Variants in GRID1 observed in about 807,000 individuals in gnomAD.
GRID1 encodes the protein glutamate receptor ionotropic, delta-1.
In GRID1, 28 loss-of-function variants were observed where a neutral mutation model predicts 98.0. The observed-to-expected ratio is 0.29, with a 90% CI of 0.21 to 0.39. GRID1 has a LOEUF of 0.39. Ranked by LOEUF, GRID1 falls within the 10% of genes least tolerant of loss-of-function variation. GRID1 has a pLI of 1.00. For missense variants in GRID1, 1,111 were observed against 1,340.5 expected, an observed-to-expected ratio of 0.83 and a Z score of 2.67; for synonymous variants, 553 against 538.5, an observed-to-expected ratio of 1.03 and a Z score of -0.37.
At position 86,081,826 on chromosome 10, in the gene GRID1, G is replaced by C. The variant is rs372843465; in HGVS notation, c.726+56993C>G. Among the ~76,000 whole-genome samples the C allele has an allele frequency of 3.0e-3, 459 of 152,320 alleles. 5 individuals carry two copies. The highest frequency in any genetic ancestry group is 0.011 in the African/African-American group (449 of 41,576). ...ATTCTAGAAAAGGCAAAACTATAGA[G>C]AGAGTAAAAGAATCAGTGGTTGCCT... is the stretch of plus-strand genomic sequence containing the variant. On this transcript the variant is annotated intron_variant, in intron 4 of 15. Coordinates refer to ENST00000327946, the MANE Select transcript of GRID1 (RefSeq NM_017551.3).
At chr10:85,690,685 T>A (rs1248896344) in intron 12 of GRID1, among the ~76,000 whole-genome samples, 1 of 152,196 alleles carries the variant, frequency 6.6e-6, no homozygotes, top group Non-Finnish European at 1.5e-5. Flanking sequence ...ACTTTTTCCT[T>A]TCTAAGTGTT....
At chr10:86,107,142 C>T (rs1364026712) in intron 4 of GRID1, among the ~76,000 whole-genome samples, 1 of 152,176 alleles carries the variant, frequency 6.6e-6, no homozygotes, top group Non-Finnish European at 1.5e-5. Context: ...AGATATTAGG[C>T]CTGGTGACAG....
chr10:86,203,472 G>T (rs1845981750), intron 3 of GRID1, among the ~76,000 whole-genome samples: 1 of 149,644 alleles, frequency 6.7e-6, no homozygotes, highest in Non-Finnish European at 1.5e-5. Context: ...AAGCATGTTG[G>T]AAATGGGCAG....
At chr10:85,867,298 A>G (rs1843230514) in intron 6 of GRID1, among the ~76,000 whole-genome samples, 1 of 152,208 alleles carries the variant, frequency 6.6e-6, no homozygotes, top group Admixed American at 6.5e-5. Flanking sequence ...GACTGAGTGC[A>G]GTTTAACTAA....
At chr10:85,782,603 A>C (rs141863272) in intron 8 of GRID1, among the ~76,000 whole-genome samples, 44 of 152,374 alleles carry the variant, frequency 2.9e-4, no homozygotes, top group Non-Finnish European at 5.6e-4. Context: ...GAGTTATTTG[A>C]GTAAAAACCT....
chr10:85,817,576 G>A (rs11201804), intron 8 of GRID1, among the ~76,000 whole-genome samples: 10,451 of 151,374 alleles, frequency 0.069, 401 homozygotes, highest in Non-Finnish European at 0.082. Flanking sequence ...AAAGATTCCA[G>A]GATGGAAAGT....
At chr10:86,249,247 G>A (rs1455102814) in intron 2 of GRID1, among the ~76,000 whole-genome samples, 3 of 152,184 alleles carry the variant, frequency 2.0e-5, no homozygotes, top group African/African-American at 7.2e-5. Flanking sequence ...TTGGCAGCAG[G>A]ACCTATGTCC....
intron 12 of GRID1, among the ~76,000 whole-genome samples, chr10:85,700,685 G>A (rs1171670762): frequency 1.3e-5 from 2 of 152,174 alleles, no homozygotes; most frequent in Non-Finnish European, 2.9e-5. Context: ...GCTTGAGACT[G>A]CTTAGTGAAC....
chr10:85,708,981 C>A, intron 12 of GRID1: 1 of 237,736 alleles, frequency 4.2e-6, no homozygotes, highest in Non-Finnish European at 8.8e-6. Flanking sequence ...ATGAAAGCAA[C>A]TTGAGAGATT....
At chr10:86,324,548 AG>A (rs1205450056) in intron 2 of GRID1, among the ~76,000 whole-genome samples, 2 of 152,202 alleles carry the variant, frequency 1.3e-5, no homozygotes, top group African/African-American at 4.8e-5. Flanking sequence ...CCACAGCCCA[AG>A]GAACAGTCCC....
At chr10:86,229,756 T>C (rs1254996441) in intron 2 of GRID1, among the ~76,000 whole-genome samples, 1 of 152,160 alleles carries the variant, frequency 6.6e-6, no homozygotes, top group African/African-American at 2.4e-5. Flanking sequence ...CAAGTCCACC[T>C]ACCCATACCT....
intron 3 of GRID1, among the ~76,000 whole-genome samples, chr10:86,162,330 C>G (rs1200681768): frequency 6.6e-6 from 1 of 152,010 alleles, no homozygotes. Context: ...TACCGTGTCC[C>G]TGCTGAGGCC....
chr10:86,184,865 T>C lies in GRID1; in HGVS notation c.520+21499A>G, dbSNP rs142122017. ...GTATCTATAAACTAGCAATGGACAA[T>C]TGAAATCTTGTAGTCATGTAGTGAA... On this transcript the variant is annotated intron_variant, in intron 3 of 15. Transcript: ENST00000327946. 2.5e-3 allele frequency among the ~76,000 whole-genome samples: 386 copies of C among 152,314 alleles called. 1 individual carries two copies. The highest frequency in any genetic ancestry group is 4.0e-3 in the Non-Finnish European group (272 of 67,998).
intron 4 of GRID1, among the ~76,000 whole-genome samples, chr10:86,009,223 C>T (rs1439237256): frequency 3.9e-5 from 6 of 152,132 alleles, no homozygotes; most frequent in Non-Finnish European, 8.8e-5. Flanking sequence ...TTGCAAGAAG[C>T]GTAAGTGTTT....
chr10:86,259,791 G>A (rs964317036), intron 2 of GRID1, among the ~76,000 whole-genome samples: 1 of 152,200 alleles, frequency 6.6e-6, no homozygotes, highest in African/African-American at 2.4e-5. Context: ...GAAGAGGCCA[G>A]ATAGAGGCCA....
chr10:85,807,424 T>G (rs1842633052), intron 8 of GRID1, among the ~76,000 whole-genome samples: 1 of 151,686 alleles, frequency 6.6e-6, no homozygotes, highest in Non-Finnish European at 1.5e-5. Context: ...TTTAGACACC[T>G]TAAAAATATG....
At chr10:85,751,239 C>G (rs1842043054) in intron 8 of GRID1, among the ~76,000 whole-genome samples, 1 of 152,184 alleles carries the variant, frequency 6.6e-6, no homozygotes, top group Non-Finnish European at 1.5e-5. Context: ...AGGCCCCCTT[C>G]TCTTGGTAGT....
At chr10:86,045,818 G>T (rs1843415485) in intron 4 of GRID1, among the ~76,000 whole-genome samples, 2 of 152,186 alleles carry the variant, frequency 1.3e-5, no homozygotes, top group South Asian at 4.1e-4. Flanking sequence ...GAGGACTAAG[G>T]TTCACATTGG....
intron 4 of GRID1, among the ~76,000 whole-genome samples, chr10:86,045,060 G>A (rs1238632866): frequency 6.6e-6 from 1 of 152,226 alleles, no homozygotes; most frequent in African/African-American, 2.4e-5. Context: ...CTGCAATTTA[G>A]GGGAAATTGT....
Sources: allele counts gnomAD v4.1 joint callset (sites outside exome capture counted in the v4.1 genomes callset), GRCh38; gene constraint gnomAD v4.1.1; transcripts MANE v1.5; gene names NCBI Gene and HGNC (gene_info 2026-07-23, HGNC 2026-07-21).